GNE: variants seen among roughly 807,000 people sequenced by gnomAD.
The protein encoded by GNE is bifunctional UDP-N-acetylglucosamine 2-epimerase/N-acetylmannosamine kinase.
GNE carries 41 observed loss-of-function variants against 61.8 expected under a neutral mutation model. The ratio of observed to expected loss-of-function variants is 0.66; its 90% CI spans 0.52 to 0.86. GNE has a LOEUF of 0.86. Ranked by LOEUF, GNE falls within the 40% of genes least tolerant of loss-of-function variation. GNE has a pLI of 0.00. For synonymous variants in GNE, 264 were observed against 326.4 expected (o/e 0.81, Z 2.06); for missense variants, 608 against 909.1 (o/e 0.67, Z 4.26).
At chr9:36,265,540 G>C (rs1323867870) in intron 1 of GNE, 2 of 449,072 alleles carry the variant, frequency 4.5e-6, no homozygotes, top group Non-Finnish European at 4.5e-6. Context: ...TATTAAGCTG[G>C]ATATTCCTGT....
chr9:36,234,197 A>C (rs1829301156), intron 4 of GNE, 65 bp from the exon 5 acceptor site: 7 of 1,230,610 alleles, frequency 5.7e-6, no homozygotes, highest in Admixed American at 1.7e-5. Context: ...TTTCATTGGC[A>C]AGTATAGCCC....
chr9:36,221,941 T>C (rs1268643202), intron 9 of GNE, among the ~76,000 whole-genome samples: 1 of 152,116 alleles, frequency 6.6e-6, no homozygotes, highest in East Asian at 1.9e-4. Flanking sequence ...CCAGTACTGG[T>C]GTACAGAAAC....
chr9:36,224,532 A>AG lies in GNE; in HGVS notation c.1282-1031dup, dbSNP rs1277526740. On this transcript the variant is annotated intron_variant, in intron 7 of 11. Coordinates refer to ENST00000642385, the MANE Select transcript of GNE (RefSeq NM_005476.7). ...GATGGTCTGGATACTCTATTTCCTT[A>AG]GGGTAAATTTCCATCCTGGCTGGCA... Among the ~76,000 whole-genome samples the AG allele has an allele frequency of 2.0e-5, 3 of 152,142 alleles. No individual in the cohort carries two copies. The East Asian group carries it at 5.8e-4, about 30-fold the overall frequency.
chr9:36,219,994 G>A lies in GNE; in HGVS notation c.1660C>T (p.His554Tyr), dbSNP rs766818430. The A allele has an allele frequency of 5.4e-5, 87 of 1,613,896 alleles. 2 individuals are homozygous for A. The South Asian group carries it at 9.2e-4, about 17-fold the overall frequency. ...TGIGGGIIHQ[H>Y]ELIHGSSFCA... ...AAGGAGCTTCCGTGGATCAATTCAT[G>A]CTGATGGATAATTCCACCACCGATT... Residue 554 changes from histidine to tyrosine, a missense_variant, in exon 10 of 12, where the codon CAT becomes TAT. His to Tyr is a moderately conservative substitution (Grantham distance 83). Coordinates refer to ENST00000642385, the MANE Select transcript of GNE (RefSeq NM_005476.7).
At chr9:36,229,210 A>G in intron 5 of GNE, 102 bp from the exon 6 acceptor site, 1 of 780,046 alleles carries the variant, frequency 1.3e-6, no homozygotes, top group Non-Finnish European at 2.3e-6. Flanking sequence ...CCTGAAATCC[A>G]GCTGACTTCA....
intron 1 of GNE, among the ~76,000 whole-genome samples, chr9:36,251,557 G>A (rs1191695709): frequency 6.6e-6 from 1 of 152,066 alleles, no homozygotes; most frequent in Non-Finnish European, 1.5e-5. Flanking sequence ...CTAAGTAGCT[G>A]GAACTACAGG....
upstream of GNE, among the ~76,000 whole-genome samples, chr9:36,261,772 A>T (rs978133705): frequency 7.3e-5 from 11 of 151,668 alleles, no homozygotes; most frequent in Non-Finnish European, 1.5e-4. Flanking sequence ...ATACAAAAAA[A>T]ATTAGCCGAG....
chr9:36,270,666 C>T lies in GNE; in HGVS notation c.51+6228G>A, dbSNP rs572793837. Among the ~76,000 whole-genome samples, 314 of 152,054 alleles carry T rather than the reference C, an allele frequency of 2.1e-3. 2 individuals are homozygous for T. The highest frequency in any genetic ancestry group is 7.3e-3 in the African/African-American group (304 of 41,500). ...CCGAGTAGCTGGGACTGCAGGCGCC[C>T]GCCACCGCGCCCGGCTAATGTTTTG... is the stretch of plus-strand genomic sequence containing the variant. On this transcript the variant is annotated intron_variant, in intron 1 of 11. Transcript: ENST00000396594.
upstream of GNE, chr9:36,258,566 CG>C: frequency 1.1e-6 from 1 of 941,848 alleles, no homozygotes; most frequent in Non-Finnish European, 1.3e-6. Context: ...TGGCTGCTCC[CG>C]TCCCCGTCCC....
intron 1 of GNE, among the ~76,000 whole-genome samples, chr9:36,263,755 T>C (rs1414339839): frequency 6.6e-6 from 1 of 152,150 alleles, no homozygotes; most frequent in Non-Finnish European, 1.5e-5. Context: ...TTTCATAAAG[T>C]AAAAACCGTC....
chr9:36,228,064 A>T (rs1055913453), intron 6 of GNE, among the ~76,000 whole-genome samples: 1 of 151,296 alleles, frequency 6.6e-6, no homozygotes, highest in South Asian at 2.1e-4. Flanking sequence ...ACCAACAATA[A>T]CAAAAAAGAA....
At position 36,218,512 on chromosome 9, in the gene GNE, C is replaced by T. The variant is rs1165741270; in HGVS notation, c.1817-213G>A. On this transcript the variant is annotated intron_variant, in intron 10 of 11. Coordinates refer to ENST00000642385, the MANE Select transcript of GNE (RefSeq NM_005476.7). The surrounding 1 kb of genome is among the most constrained non-coding windows in gnomAD (Gnocchi z 4.1). ...TTGTACATAACCCAGAACCTATCTT[C>T]CTGGAAAAACCTCAAGTCTGACGAC... is the stretch of plus-strand genomic sequence containing the variant. 6.6e-6 allele frequency among the ~76,000 whole-genome samples: 1 copy of T among 151,304 alleles called. No individual in the cohort carries two copies. The highest frequency in any genetic ancestry group is 1.9e-4 in the East Asian group (1 of 5,206).
At chr9:36,255,904 A>C (rs945881956) in intron 1 of GNE, among the ~76,000 whole-genome samples, 2 of 152,154 alleles carry the variant, frequency 1.3e-5, no homozygotes, top group East Asian at 3.9e-4. Flanking sequence ...ACTCACTGGC[A>C]ATCGCTGAAA....
At position 36,216,258 on chromosome 9, in the gene GNE, G is replaced by T. The variant is rs1310461498; in HGVS notation, c.*1107C>A. On this transcript the variant is annotated 3_prime_UTR_variant, in exon 12 of 12. Coordinates refer to ENST00000642385, the MANE Select transcript of GNE (RefSeq NM_005476.7). ...AAAAAGTGTACTTAAGCCCTTCCTGGTAAGATTTCCCTCTGTTCTCTGACT... is the reference window on the plus strand; with the variant it reads ...AAAAAGTGTACTTAAGCCCTTCCTGTTAAGATTTCCCTCTGTTCTCTGACT... 1 of 455,224 alleles carries T rather than the reference G, an allele frequency of 2.2e-6. No homozygotes were observed. The highest frequency in any genetic ancestry group is 4.4e-6 in the Non-Finnish European group (1 of 226,516). 28.2% of individuals were successfully genotyped at this position (455,224 alleles called of 1,614,324 possible).
intron 5 of GNE, among the ~76,000 whole-genome samples, chr9:36,232,327 TGCCCCCCC>T (rs914402438): frequency 4.7e-5 from 6 of 128,356 alleles, no homozygotes; most frequent in South Asian, 5.2e-4. Flanking sequence ...CTTTTATTCT[TGCCCCCCC>T]GCCCCCCCTC....
chr9:36,273,908 T>G (rs1831141896), intron 1 of GNE, among the ~76,000 whole-genome samples: 1 of 152,050 alleles, frequency 6.6e-6, no homozygotes, highest in Non-Finnish European at 1.5e-5. Flanking sequence ...GTGCTGGGAT[T>G]ACAGGTGTGA....
chr9:36,262,786 G>A (rs1298329207), upstream of GNE, among the ~76,000 whole-genome samples: 1 of 152,102 alleles, frequency 6.6e-6, no homozygotes, highest in Non-Finnish European at 1.5e-5. Context: ...TGGCCACTTT[G>A]GGAACATTTC....
chr9:36,266,149 G>A (rs1216983015), intron 1 of GNE, among the ~76,000 whole-genome samples: 23 of 151,878 alleles, frequency 1.5e-4, no homozygotes, highest in Admixed American at 1.1e-3. Flanking sequence ...CAGGCTGGTC[G>A]AGAACTCCTG....
At chr9:36,263,830 A>G (rs1265197537) in intron 1 of GNE, among the ~76,000 whole-genome samples, 1 of 152,218 alleles carries the variant, frequency 6.6e-6, no homozygotes, top group Non-Finnish European at 1.5e-5. Context: ...CTGCCTATTC[A>G]TGACCCATGA....
Sources: allele counts gnomAD v4.1 joint callset (sites outside exome capture counted in the v4.1 genomes callset), GRCh38; gene constraint gnomAD v4.1.1; non-coding constraint Gnocchi (gnomAD v3.1); transcripts MANE v1.5; gene names NCBI Gene and HGNC (gene_info 2026-07-23, HGNC 2026-07-21).